Variants in ADAMTS17 observed in about 807,000 individuals in gnomAD.
ADAMTS17 encodes ADAM metallopeptidase with thrombospondin type 1 motif 17.
A neutral mutation model predicts 141.5 loss-of-function variants in ADAMTS17; 113 were observed. The ratio of observed to expected loss-of-function variants is 0.80; its 90% CI spans 0.69 to 0.93. ADAMTS17 has a LOEUF of 0.93. ADAMTS17 is among the 40% of genes least tolerant of loss of function. The pLI is 0.00. For synonymous variants in ADAMTS17, 768 were observed against 630.6 expected (o/e 1.22, Z -3.27); for missense variants, 1,659 against 1,517.9 (o/e 1.09, Z -1.54).
chr15:100,132,342 T>A lies in ADAMTS17; in HGVS notation c.1576-190A>T, dbSNP rs11857994. ...TTACTTACTCAAACTGACACTCATA[T>A]CGCTGTAGGGTTTGGATTTTGCCCT... is the stretch of plus-strand genomic sequence containing the variant. On this transcript the variant is annotated intron_variant, in intron 11 of 21. Coordinates refer to ENST00000268070, the MANE Select transcript of ADAMTS17 (RefSeq NM_139057.4). Among the ~76,000 whole-genome samples the A allele has an allele frequency of 0.12, 18,959 of 152,324 alleles. 1,457 individuals are homozygous for A. Among genetic ancestry groups the A allele is most frequent in the Admixed American group, 0.2 (3,027 of 15,306 alleles).
intron 10 of ADAMTS17, among the ~76,000 whole-genome samples, chr15:100,140,484 C>CATATATAT (rs1164353969): frequency 4.4e-4 from 18 of 40,890 alleles, no homozygotes; most frequent in South Asian, 3.4e-3. Flanking sequence ...CACACACATA[C>CATATATAT]ATACATATAT....
chr15:100,091,155 G>C (rs996337759), intron 15 of ADAMTS17, among the ~76,000 whole-genome samples: 2 of 151,946 alleles, frequency 1.3e-5, no homozygotes, highest in Non-Finnish European at 2.9e-5. Context: ...GTCCACCTGA[G>C]GCAGGTGTGA....
chr15:100,283,673 C>T (rs963840837), intron 3 of ADAMTS17, among the ~76,000 whole-genome samples: 1 of 152,210 alleles, frequency 6.6e-6, no homozygotes, highest in Non-Finnish European at 1.5e-5. Flanking sequence ...ACAGAAAGAG[C>T]TGCATTCCTA....
chr15:100,108,748 A>G (rs1206961568), intron 14 of ADAMTS17, among the ~76,000 whole-genome samples: 1 of 152,230 alleles, frequency 6.6e-6, no homozygotes, highest in East Asian at 1.9e-4. Context: ...TCAAAGTCTT[A>G]GAATACGTTG....
intron 3 of ADAMTS17, among the ~76,000 whole-genome samples, chr15:100,304,223 A>C (rs2045142798): frequency 6.6e-6 from 1 of 152,098 alleles, no homozygotes; most frequent in African/African-American, 2.4e-5. Context: ...TGAGTGTCAC[A>C]TCCTTAGGGC....
At chr15:100,131,202 C>A (rs1037186050) in intron 12 of ADAMTS17, among the ~76,000 whole-genome samples, 1 of 149,742 alleles carries the variant, frequency 6.7e-6, no homozygotes, top group Non-Finnish European at 1.5e-5. Flanking sequence ...AAACATCACA[C>A]ACCGGGGCCT....
intron 7 of ADAMTS17, among the ~76,000 whole-genome samples, chr15:100,209,113 CAAAAAAAAA>C (rs60742726): frequency 1.0e-5 from 1 of 96,962 alleles, no homozygotes; most frequent in Admixed American, 1.1e-4. Context: ...GCCAAGTTAG[CAAAAAAAAA>C]AAAAAAAAAA....
chr15:100,309,061 G>A (rs2045320145), intron 3 of ADAMTS17, among the ~76,000 whole-genome samples: 1 of 152,236 alleles, frequency 6.6e-6, no homozygotes, highest in Non-Finnish European at 1.5e-5. Flanking sequence ...GACGCTGCAT[G>A]CCCACAGAAT....
rs888313242 is a variant in ADAMTS17, at chr15:99,997,409, G to A, written c.2772C>T (p.Ile924=). Residue 924 remains isoleucine (I), a synonymous_variant, in exon 19 of 22, where the codon ATC becomes ATT. Coordinates refer to ENST00000268070, the MANE Select transcript of ADAMTS17 (RefSeq NM_139057.4). The surrounding 1 kb of genome is among the most constrained non-coding windows in gnomAD (Gnocchi z 4.7). ...QSCEGQDCLS[I]WEASEWSQCS... is the part of the protein sequence containing the mutation. Reference sequence around the variant, plus strand: ...CCTGTGACCACTCAGACGCCTCCCAGATGGACAGGCAGTCCTGGCCTTCAC... The same window carrying A: ...CCTGTGACCACTCAGACGCCTCCCAAATGGACAGGCAGTCCTGGCCTTCAC... 6.2e-7 allele frequency: 1 copy of A among 1,613,792 alleles called. No individual in the cohort carries two copies. Among genetic ancestry groups the A allele is most frequent in the Admixed American group, 1.7e-5 (1 of 60,036 alleles).
intron 7 of ADAMTS17, among the ~76,000 whole-genome samples, chr15:100,201,626 T>C (rs2041337444): frequency 6.6e-6 from 1 of 152,246 alleles, no homozygotes; most frequent in Non-Finnish European, 1.5e-5. Flanking sequence ...AGGTACCTCA[T>C]TGTGGGTCTA....
chr15:100,204,768 GA>G (rs2041467362), intron 7 of ADAMTS17, among the ~76,000 whole-genome samples: 1 of 152,190 alleles, frequency 6.6e-6, no homozygotes, highest in African/African-American at 2.4e-5. Flanking sequence ...GTAGGGGTGG[GA>G]AAATCCTAAC....
intron 8 of ADAMTS17, among the ~76,000 whole-genome samples, chr15:100,184,820 C>G (rs1288006337): frequency 6.6e-6 from 1 of 151,918 alleles, no homozygotes; most frequent in Non-Finnish European, 1.5e-5. Context: ...TTCTGGGGGC[C>G]CTTCCAGAGC....
chr15:100,124,511 C>G (rs1336025212), intron 12 of ADAMTS17, among the ~76,000 whole-genome samples: 1 of 152,202 alleles, frequency 6.6e-6, no homozygotes, highest in Non-Finnish European at 1.5e-5. Flanking sequence ...AAGTAGAAAG[C>G]CACCCCAGCC....
chr15:100,161,638 T>C (rs2039697725), intron 8 of ADAMTS17, among the ~76,000 whole-genome samples: 1 of 152,194 alleles, frequency 6.6e-6, no homozygotes, highest in South Asian at 2.1e-4. Flanking sequence ...ATAACAATAA[T>C]TAACAGGCCA....
intron 8 of ADAMTS17, among the ~76,000 whole-genome samples, chr15:100,158,397 C>G (rs1204522877): frequency 2.0e-5 from 3 of 152,190 alleles, no homozygotes; most frequent in Admixed American, 6.5e-5. Flanking sequence ...TACTTTCACT[C>G]TCAGTATGAA....
Position 100,028,676 on chromosome 15 carries a change from G to A in ADAMTS17, c.2591+20181C>T, listed in dbSNP as rs1327998680. On this transcript the variant is annotated intron_variant, in intron 18 of 21. Transcript: ENST00000268070. ...GTCGTACAGACAGGTTGAGTGGCCT[G>A]CTGCAGGTCCCCTGCTGGCAGCAGC... Among the ~76,000 whole-genome samples the A allele has an allele frequency of 2.0e-5, 3 of 152,230 alleles. No homozygotes were observed. In the East Asian group the frequency reaches 5.8e-4, roughly 29 times the overall value.
intron 15 of ADAMTS17, among the ~76,000 whole-genome samples, chr15:100,060,588 G>A (rs918406417): frequency 1.3e-5 from 2 of 152,234 alleles, no homozygotes; most frequent in Admixed American, 6.5e-5. Flanking sequence ...CTGCACAGAA[G>A]CCCGAGTGGG....
intron 18 of ADAMTS17, among the ~76,000 whole-genome samples, chr15:100,031,886 T>C (rs563891155): frequency 6.6e-6 from 1 of 152,168 alleles, no homozygotes; most frequent in Non-Finnish European, 1.5e-5. Flanking sequence ...TGACAAATAT[T>C]TGCTGAGTGA....
chr15:100,221,952 C>T (rs537116973), intron 7 of ADAMTS17, among the ~76,000 whole-genome samples: 54 of 152,226 alleles, frequency 3.5e-4, no homozygotes, highest in Non-Finnish European at 6.5e-4. Context: ...GTGCAGGCAT[C>T]ACCTGAGGGC....
Sources: allele counts gnomAD v4.1 joint callset (sites outside exome capture counted in the v4.1 genomes callset), GRCh38; gene constraint gnomAD v4.1.1; non-coding constraint Gnocchi (gnomAD v3.1); transcripts MANE v1.5; gene names NCBI Gene and HGNC (gene_info 2026-07-23, HGNC 2026-07-21).